The following XKR4 variants were observed in gnomAD, a reference collection of about 807,000 sequenced individuals.
XKR4 encodes XK-related protein 4.
Under a neutral mutation model 53.9 loss-of-function variants are expected in XKR4, and 12 were observed. That is an observed-to-expected ratio of 0.22 (90% CI 0.14 to 0.36). The LOEUF (loss-of-function observed/expected upper bound fraction) is 0.36, where lower values mean the gene tolerates loss of function less well. Among genes scored for constraint, XKR4 ranks in the 10% least tolerant of loss-of-function variants. XKR4 has a pLI of 1.00. For missense variants in XKR4, 799 were observed against 859.5 expected (o/e 0.93, Z 0.88); for synonymous variants, 354 against 362.4 (o/e 0.98, Z 0.26).
chr8:55,240,607 A>G (rs2129368188), intron 1 of XKR4, among the ~76,000 whole-genome samples: 1 of 152,318 alleles, frequency 6.6e-6, no homozygotes, highest in South Asian at 2.1e-4. Context: ...TACGGAAAAT[A>G]AACCTTATTT....
chr8:55,215,661 C>T (rs533766771), intron 1 of XKR4, among the ~76,000 whole-genome samples: 6 of 152,196 alleles, frequency 3.9e-5, no homozygotes, highest in East Asian at 1.9e-4. Flanking sequence ...GTTTAATAAT[C>T]GTCTTATTTG....
intron 1 of XKR4, among the ~76,000 whole-genome samples, chr8:55,185,177 A>G (rs1817359948): frequency 6.6e-6 from 1 of 152,246 alleles, no homozygotes; most frequent in Admixed American, 6.5e-5. Context: ...GAAATATGGC[A>G]ATTCTGTTTT....
intron 2 of XKR4, among the ~76,000 whole-genome samples, chr8:55,391,925 T>A (rs1273295834): frequency 6.6e-6 from 1 of 152,208 alleles, no homozygotes; most frequent in Admixed American, 6.5e-5. Flanking sequence ...ATTTTGTAGT[T>A]GTAATATTAC....
At chr8:55,480,128 T>A (rs1206900533) in intron 2 of XKR4, among the ~76,000 whole-genome samples, 1 of 152,182 alleles carries the variant, frequency 6.6e-6, no homozygotes, top group Non-Finnish European at 1.5e-5. Context: ...ATATCCTTGA[T>A]GAACATTGAT....
At chr8:55,519,903 G>A (rs564720007) in intron 2 of XKR4, among the ~76,000 whole-genome samples, 26 of 152,260 alleles carry the variant, frequency 1.7e-4, no homozygotes, top group African/African-American at 5.5e-4. Flanking sequence ...TTGACAATTA[G>A]GGCAAATGAA....
chr8:55,120,117 G>C lies in XKR4; in HGVS notation c.806+16823G>C, dbSNP rs185883449. ...TTTCACAGTCAGCTCCAGTTAGCTA[G>C]GAAATTTCTCGACAGAAGTTAATTA... On this transcript the variant is annotated intron_variant, in intron 1 of 2. Coordinates refer to ENST00000327381, the MANE Select transcript of XKR4 (RefSeq NM_052898.2). Among the ~76,000 whole-genome samples, 54 of 152,304 alleles carry C rather than the reference G, an allele frequency of 3.5e-4. 1 individual carries two copies. In the Middle Eastern group the frequency reaches 0.01, roughly 29 times the overall value.
At chr8:55,307,703 G>A (rs993520935) in intron 1 of XKR4, among the ~76,000 whole-genome samples, 1 of 152,036 alleles carries the variant, frequency 6.6e-6, no homozygotes, top group Non-Finnish European at 1.5e-5. Flanking sequence ...GAAAAAATGT[G>A]CAACATCTTC....
At chr8:55,485,917 T>C (rs1806183214) in intron 2 of XKR4, among the ~76,000 whole-genome samples, 1 of 152,182 alleles carries the variant, frequency 6.6e-6, no homozygotes, top group Admixed American at 6.5e-5. Context: ...AAAAACATAA[T>C]TCTGGAAAAT....
intron 1 of XKR4, among the ~76,000 whole-genome samples, chr8:55,207,497 A>C (rs1817665640): frequency 1.3e-5 from 2 of 152,130 alleles, no homozygotes; most frequent in Admixed American, 1.3e-4. Flanking sequence ...TGTCAGCCCC[A>C]TTACATTTTC....
At chr8:55,232,535 TTGCGGC>T (rs1156698594) in intron 1 of XKR4, among the ~76,000 whole-genome samples, 1 of 152,208 alleles carries the variant, frequency 6.6e-6, no homozygotes, top group African/African-American at 2.4e-5. Context: ...TTTTATACAC[TTGCGGC>T]TGCTTTGGAA....
At position 55,392,783 on chromosome 8, in the gene XKR4, C is replaced by A. The variant is rs151071739; in HGVS notation, c.1006+34906C>A. ...TCCAGCCTGGGCAAAAGAGCCAGACCCTTTCTCAAATAAATAAATAAATAT... is the reference window on the plus strand; with the variant it reads ...TCCAGCCTGGGCAAAAGAGCCAGACACTTTCTCAAATAAATAAATAAATAT... On this transcript the variant is annotated intron_variant, in intron 2 of 2. Transcript: ENST00000327381. Among the ~76,000 whole-genome samples the A allele has an allele frequency of 4.9e-3, 747 of 152,082 alleles. 4 individuals are homozygous for A. The highest frequency in any genetic ancestry group is 0.017 in the African/African-American group (703 of 41,470).
intron 1 of XKR4, among the ~76,000 whole-genome samples, chr8:55,112,666 C>T (rs1380190504): frequency 3.0e-5 from 4 of 133,306 alleles, no homozygotes; most frequent in African/African-American, 1.1e-4. Context: ...CCTATAACTT[C>T]TATCATTAGT....
intron 2 of XKR4, among the ~76,000 whole-genome samples, chr8:55,513,336 A>G (rs1482160006): frequency 6.6e-6 from 1 of 152,226 alleles, no homozygotes; most frequent in Admixed American, 6.5e-5. Flanking sequence ...ATTCACATGC[A>G]TGGCAGACTA....
chr8:55,434,397 A>G lies in XKR4; in HGVS notation c.1006+76520A>G, dbSNP rs563594217. On this transcript the variant is annotated intron_variant, in intron 2 of 2. Transcript: ENST00000327381. ...GAAAACCTTCATCTTGATTGTTCTT[A>G]CTTGATACCAATCGTGTGTGTGTGT... is the stretch of plus-strand genomic sequence containing the variant. Among the ~76,000 whole-genome samples, 51 of 144,884 alleles carry G rather than the reference A, an allele frequency of 3.5e-4. 1 individual carries two copies. Among genetic ancestry groups the G allele is most frequent in the Admixed American group, 3.5e-4 (5 of 14,160 alleles).
rs139163497 is a variant in XKR4, at chr8:55,141,073, T to G, written c.806+37779T>G. 3.2e-4 allele frequency among the ~76,000 whole-genome samples: 49 copies of G among 152,322 alleles called. 1 individual carries two copies. Among genetic ancestry groups the G allele is most frequent in the Admixed American group, 8.5e-4 (13 of 15,302 alleles). ...TCACCACAATCAATTTTGTAACACT[T>G]TTGTACCCCACAGAAGAAACTCTGT... On this transcript the variant is annotated intron_variant, in intron 1 of 2. Transcript: ENST00000327381.
chr8:55,145,389 T>TA (rs1043398687), intron 1 of XKR4, among the ~76,000 whole-genome samples: 1 of 151,620 alleles, frequency 6.6e-6, no homozygotes, highest in African/African-American at 2.4e-5. Context: ...AGAGTGTATT[T>TA]AAAATCACTG....
intron 2 of XKR4, among the ~76,000 whole-genome samples, chr8:55,398,293 G>A (rs1165965398): frequency 6.6e-6 from 1 of 152,188 alleles, no homozygotes; most frequent in Non-Finnish European, 1.5e-5. Context: ...GGGCCACCAA[G>A]CACCCTCGCC....
chr8:55,229,191 A>G (rs1240775307), intron 1 of XKR4, among the ~76,000 whole-genome samples: 1 of 152,210 alleles, frequency 6.6e-6, no homozygotes, highest in East Asian at 1.9e-4. Flanking sequence ...GCAGGCAGCC[A>G]TGGAGCCTGC....
intron 2 of XKR4, among the ~76,000 whole-genome samples, chr8:55,362,903 A>C (rs546667338): frequency 1.3e-5 from 2 of 152,348 alleles, no homozygotes; most frequent in South Asian, 2.1e-4. Flanking sequence ...ATGTAGAATC[A>C]CGGCACATAG....
Sources: allele counts gnomAD v4.1 joint callset (sites outside exome capture counted in the v4.1 genomes callset), GRCh38; gene constraint gnomAD v4.1.1; transcripts MANE v1.5; gene names NCBI Gene and HGNC (gene_info 2026-07-23, HGNC 2026-07-21).